The following APPL1 variants were observed in gnomAD, a reference collection of about 807,000 sequenced individuals.
APPL1 encodes the protein adaptor protein, phosphotyrosine interacting with PH domain and leucine zipper 1.
In APPL1, 42 loss-of-function variants were observed where a neutral mutation model predicts 106.8. The ratio of observed to expected loss-of-function variants is 0.39; its 90% CI spans 0.31 to 0.51. The LOEUF (loss-of-function observed/expected upper bound fraction) is 0.51. Among genes scored for constraint, APPL1 ranks in the 20% least tolerant of loss-of-function variants. The pLI, the probability that APPL1 is intolerant of heterozygous loss-of-function variation, is 0.75. For synonymous variants in APPL1, 263 were observed against 281.8 expected, an observed-to-expected ratio of 0.93 and a Z score of 0.67; for missense variants, 769 against 858.2, an observed-to-expected ratio of 0.90 and a Z score of 1.30.
rs2060946223 is a variant in APPL1, at chr3:57,272,166, A to G, written c.*2479A>G. The stretch of plus-strand genomic sequence containing the variant: ...AAAAGAAAAGATATTAAGCCTGCCT[A>G]CTTCTACAATGCATTCTGTTACCTA... On this transcript the variant is annotated 3_prime_UTR_variant, in exon 22 of 22. Coordinates refer to ENST00000288266, the MANE Select transcript of APPL1 (RefSeq NM_012096.3). 6.6e-6 allele frequency: 1 copy of G among 152,344 alleles called. No homozygotes were observed. The highest frequency in any genetic ancestry group is 1.9e-4 in the East Asian group (1 of 5,182). 9.4% of individuals were successfully genotyped at this position (152,344 alleles called of 1,614,324 possible). A position where few individuals can be genotyped will look rare whatever the true frequency, so the allele number is the denominator to read the frequency against.
chr3:57,229,491 A>C (rs970256286), intron 1 of APPL1, among the ~76,000 whole-genome samples: 1 of 150,106 alleles, frequency 6.7e-6, no homozygotes, highest in Admixed American at 6.6e-5. Flanking sequence ...TTTTTTCTTT[A>C]CAAGCATGCA....
chr3:57,257,066 TGA>T lies in APPL1; in HGVS notation c.1247+17_1247+18del. ...CCAGCAGCAGGGTAAGTTACCACAC[TGA>T]GTTATTTAAAGAAGGAGATGGGCTA... is the stretch of plus-strand genomic sequence containing the variant. On this transcript the variant is annotated intron_variant, in intron 14 of 21. Coordinates refer to ENST00000288266, the MANE Select transcript of APPL1 (RefSeq NM_012096.3). The T allele has an allele frequency of 1.2e-6, 2 of 1,612,796 alleles. No homozygotes were observed. Among genetic ancestry groups the T allele is most frequent in the Non-Finnish European group, 1.7e-6 (2 of 1,178,904 alleles).
intron 1 of APPL1, among the ~76,000 whole-genome samples, chr3:57,232,543 G>A (rs2060692293): frequency 6.6e-6 from 1 of 152,158 alleles, no homozygotes; most frequent in Non-Finnish European, 1.5e-5. Context: ...TTGACACCTG[G>A]TGAGATGTCA....
intron 19 of APPL1, among the ~76,000 whole-genome samples, chr3:57,263,344 C>G (rs2060877638): frequency 6.6e-6 from 1 of 151,786 alleles, no homozygotes; most frequent in Non-Finnish European, 1.5e-5. Flanking sequence ...CTATCAAATA[C>G]CAGGTTTTAT....
chr3:57,268,530 A>G (rs2060911286), intron 21 of APPL1, 43 bp downstream of exon 21: 1 of 1,540,724 alleles, frequency 6.5e-7, no homozygotes, highest in East Asian at 2.3e-5. Context: ...TTGTTTGTGA[A>G]GACTTAATTC....
At position 57,247,568 on chromosome 3, in the gene APPL1, C is replaced by G. The variant is rs910526902; in HGVS notation, c.704+91C>G. 8.4e-6 allele frequency: 7 copies of G among 836,968 alleles called. No individual in the cohort carries two copies. In the Admixed American group the frequency reaches 1.2e-4, roughly 14 times the overall value. 51.8% of individuals were successfully genotyped at this position (836,968 alleles called of 1,614,324 possible). ...TGTAAAGATATTTATCATTTACTTT[C>G]CTGAGGGAATATTTTCCCTGCCATG... On this transcript the variant is annotated intron_variant, in intron 9 of 21. Coordinates refer to ENST00000288266, the MANE Select transcript of APPL1 (RefSeq NM_012096.3).
In APPL1 at chr3:57,252,329, T is replaced by A. The variant is rs772565764; in HGVS notation, c.1095+18T>A. The stretch of plus-strand genomic sequence containing the variant: ...ATGAAGAGGTAAGATTTTACCTAGT[T>A]CATTTCTTCATTGACATTTTAAAAT... On this transcript the variant is annotated intron_variant, in intron 12 of 21. Transcript: ENST00000288266. The A allele has an allele frequency of 8.4e-6, 13 of 1,539,734 alleles. No homozygotes were observed. The South Asian group carries it at 1.5e-4, about 18-fold the overall frequency.
intron 1 of APPL1, among the ~76,000 whole-genome samples, chr3:57,233,375 A>C (rs2060698605): frequency 6.6e-6 from 1 of 152,188 alleles, no homozygotes; most frequent in Non-Finnish European, 1.5e-5. Context: ...TTAGCTTAAA[A>C]TAGGGAATCT....
At chr3:57,265,264 T>C (rs941753027) in intron 19 of APPL1, among the ~76,000 whole-genome samples, 1 of 152,162 alleles carries the variant, frequency 6.6e-6, no homozygotes, top group African/African-American at 2.4e-5. Context: ...TTCTCATGCC[T>C]CAGCCTCCCA....
chr3:57,237,990 C>T, intron 3 of APPL1, 55 bp from the exon 4 acceptor site: 4 of 1,327,706 alleles, frequency 3.0e-6, no homozygotes, highest in Non-Finnish European at 4.2e-6. Flanking sequence ...ATAGTAATGT[C>T]ATTCCCAAAA....
intron 19 of APPL1, among the ~76,000 whole-genome samples, chr3:57,261,117 C>G (rs1162546053): frequency 6.6e-6 from 1 of 152,192 alleles, no homozygotes; most frequent in East Asian, 1.9e-4. Flanking sequence ...TTCCTCATCA[C>G]TCAGCCTTCC....
Position 57,228,944 on chromosome 3 carries a change from G to A in APPL1, c.54+1007G>A, listed in dbSNP as rs529935477. Among the ~76,000 whole-genome samples, 4 of 152,274 alleles carry A rather than the reference G, an allele frequency of 2.6e-5. No homozygotes were observed. Among genetic ancestry groups the A allele is most frequent in the African/African-American group, 9.6e-5 (4 of 41,558 alleles). ...GCCCCCAAAGAAGAAAAGCAGAAGA[G>A]GTCTAGATCTCCTTTTCCTGGATGG... On this transcript the variant is annotated intron_variant, in intron 1 of 21. Transcript: ENST00000288266. The surrounding 1 kb of genome is among the most constrained non-coding windows in gnomAD (Gnocchi z 4.6).
intron 2 of APPL1, 43 bp from the exon 3 acceptor site, chr3:57,237,448 AC>A (rs1283733303): frequency 1.4e-6 from 2 of 1,449,682 alleles, no homozygotes; most frequent in Non-Finnish European, 1.9e-6. Flanking sequence ...AAAAACTAAA[AC>A]TTTTTTCCCA....
At position 57,246,256 on chromosome 3, in the gene APPL1, C is replaced by T. The variant is rs1038315468; in HGVS notation, c.621+34C>T. On this transcript the variant is annotated intron_variant, in intron 8 of 21. Transcript: ENST00000288266. ...TGTACTGTATTTGGATTATAACTGT[C>T]CTAAAAGTTTTATATTAAGCTTGAT... The T allele has an allele frequency of 4.2e-6, 6 of 1,444,178 alleles. No individual in the cohort carries two copies. In the African/African-American group the frequency reaches 7.3e-5, roughly 18 times the overall value. 89.5% of individuals were successfully genotyped at this position (1,444,178 alleles called of 1,614,324 possible).
chr3:57,264,495 T>C (rs1393249510), intron 19 of APPL1, among the ~76,000 whole-genome samples: 4 of 151,774 alleles, frequency 2.6e-5, no homozygotes, highest in African/African-American at 9.7e-5. Context: ...TATTTTCTTG[T>C]AGTAGTTTCA....
At chr3:57,269,340 A>G (rs1241531067) in intron 21 of APPL1, 2 of 491,916 alleles carry the variant, frequency 4.1e-6, no homozygotes, top group Admixed American at 7.1e-5. Flanking sequence ...TTTAGTTTGA[A>G]TGCTGGCTTT....
rs1196394023 is a variant in APPL1, at chr3:57,227,792, AGGGCGGGCCGGGGTCAGCTGCGGC to A, written c.-80_-57del. 13 of 1,143,746 alleles carry A rather than the reference AGGGCGGGCCGGGGTCAGCTGCGGC, an allele frequency of 1.1e-5. No individual in the cohort carries two copies. The highest frequency in any genetic ancestry group is 6.5e-5 in the African/African-American group (4 of 61,444). The allele number at this position is 1,143,746 out of a possible 1,614,324, so 70.8% of individuals were successfully genotyped here. The stretch of plus-strand genomic sequence containing the variant: ...GGGACGGCTGCAGCCCTTGCCGGAG[AGGGCGGGCCGGGGTCAGCTGCGGC>A]GGGCGGGCCGGCGCGGGGAGCTGTG... On this transcript the variant is annotated 5_prime_UTR_variant, in exon 1 of 22. Coordinates refer to ENST00000288266, the MANE Select transcript of APPL1 (RefSeq NM_012096.3).
rs574369480 is a variant in APPL1, at chr3:57,245,569, GTC to G, written c.475-499_475-498del. Among the ~76,000 whole-genome samples the G allele has an allele frequency of 4.4e-3, 661 of 148,780 alleles. 5 individuals carry two copies. Among genetic ancestry groups the G allele is most frequent in the Admixed American group, 0.015 (219 of 14,920 alleles). ...TGCAGTTTTTTTTTTTTTTGAGACA[GTC>G]TCTCTCTGTCACCCAGGCTGGAGTA... On this transcript the variant is annotated intron_variant, in intron 7 of 21. Coordinates refer to ENST00000288266, the MANE Select transcript of APPL1 (RefSeq NM_012096.3).
At chr3:57,252,414 A>C in intron 12 of APPL1, 103 bp downstream of exon 12, 1 of 750,742 alleles carries the variant, frequency 1.3e-6, no homozygotes. Flanking sequence ...GGAAAATCCT[A>C]GTTAATTAAA....
Sources: gnomAD v4.1 joint callset for allele counts (sites outside exome capture counted in the v4.1 genomes callset) on GRCh38, gnomAD v4.1.1 for gene constraint, Gnocchi (gnomAD v3.1) non-coding constraint, MANE v1.5 for transcripts, NCBI Gene and HGNC (gene_info 2026-07-23, HGNC 2026-07-21) for gene names.